Variants in C1orf159 observed in about 807,000 individuals in gnomAD.
C1orf159 encodes chromosome 1 open reading frame 159.
C1orf159 carries 19 observed loss-of-function variants against 25.6 expected under a neutral mutation model. The ratio of observed to expected loss-of-function variants is 0.74; its 90% CI spans 0.52 to 1.09. The LOEUF (loss-of-function observed/expected upper bound fraction) is 1.09. Ranked by LOEUF, C1orf159 falls within the 50% of genes least tolerant of loss-of-function variation. The pLI is 0.00. For synonymous variants in C1orf159, 139 were observed against 124.7 expected (o/e 1.12, Z -0.77); for missense variants, 274 against 290.6 (o/e 0.94, Z 0.42).
intron 3 of C1orf159, 53 bp from the exon 4 acceptor site, chr1:1,090,481 C>T (rs3813203): frequency 8.7e-5 from 133 of 1,528,894 alleles, no homozygotes; most frequent in African/African-American, 1.7e-4. Flanking sequence ...GGCAGGCTCA[C>T]GCCCAGAGCA....
rs924972303 is a variant in C1orf159 at position 1,097,191 on chromosome 1, C to T, written c.-135-5088G>A. Among the ~76,000 whole-genome samples, 9 of 152,158 alleles carry T rather than the reference C, an allele frequency of 5.9e-5. No individual in the cohort carries two copies. In the East Asian group the frequency reaches 1.7e-3, roughly 29 times the overall value. ...GCATGATCTCGGCTCACTGCAACCT[C>T]TGCCTCCCGGGTTCAAGCGATTCTT... On this transcript the variant is annotated intron_variant, in intron 1 of 9. Coordinates refer to ENST00000421241, the MANE Select transcript of C1orf159 (RefSeq NM_017891.5).
chr1:1,107,326 C>T (rs1441773655), intron 1 of C1orf159, among the ~76,000 whole-genome samples: 1 of 152,226 alleles, frequency 6.6e-6, no homozygotes, highest in Non-Finnish European at 1.5e-5. Flanking sequence ...ATGCACCAAT[C>T]AGCACTCTCT....
chr1:1,086,256 C>T (rs879895628), intron 6 of C1orf159, among the ~76,000 whole-genome samples: 12 of 152,262 alleles, frequency 7.9e-5, no homozygotes, highest in Admixed American at 7.8e-4. Flanking sequence ...CAGCTTCTCT[C>T]AGGAGCTCGG....
At chr1:1,094,279 C>A (rs970560061) in intron 1 of C1orf159, among the ~76,000 whole-genome samples, 1 of 152,044 alleles carries the variant, frequency 6.6e-6, no homozygotes, top group Non-Finnish European at 1.5e-5. Flanking sequence ...CTTAAGTGAT[C>A]CTCCTACCTC....
At chr1:1,102,633 A>G (rs1646117856) in intron 1 of C1orf159, among the ~76,000 whole-genome samples, 1 of 145,044 alleles carries the variant, frequency 6.9e-6, no homozygotes, top group Non-Finnish European at 1.5e-5. Flanking sequence ...AAAAAAAAAA[A>G]AAAAAAAAAA....
intron 9 of C1orf159, chr1:1,083,840 G>A: frequency 7.3e-7 from 1 of 1,362,018 alleles, no homozygotes; most frequent in South Asian, 1.3e-5. Context: ...CCCTGCTCAT[G>A]GCCTTGGAGC....
intron 2 of C1orf159, 173 bp downstream of exon 2, chr1:1,091,813 GGAGAT>G (rs1479486969): frequency 1.0e-5 from 5 of 480,088 alleles, no homozygotes; most frequent in Non-Finnish European, 1.9e-5. Context: ...GGGGCCAAAT[GGAGAT>G]GGGGTGGGGC....
chr1:1,115,118 T>G (rs555034318), intron 1 of C1orf159: 4 of 152,108 alleles, frequency 2.6e-5, no homozygotes, highest in Non-Finnish European at 5.9e-5. Flanking sequence ...AAGTTTGACA[T>G]CCTGAAATTT....
chr1:1,109,396 T>G (rs995130424), intron 1 of C1orf159, among the ~76,000 whole-genome samples: 14 of 152,186 alleles, frequency 9.2e-5, no homozygotes, highest in African/African-American at 2.9e-4. Context: ...GGGGAGTTAG[T>G]GTTTAATGGG....
In C1orf159 at chr1:1,089,887, G is replaced by A. The variant is rs1645899036; in HGVS notation, c.148+466C>T. On this transcript the variant is annotated intron_variant, in intron 4 of 9. Coordinates refer to ENST00000421241, the MANE Select transcript of C1orf159 (RefSeq NM_017891.5). The surrounding 1 kb of genome is among the most constrained non-coding windows in gnomAD (Gnocchi z 7.5). The stretch of plus-strand genomic sequence containing the variant: ...CCAGAACCTCTGATGAACAGGGCCT[G>A]CCCGTGGCACGCTGACACAGGCCGG... Among the ~76,000 whole-genome samples, 1 of 152,208 alleles carries A rather than the reference G, an allele frequency of 6.6e-6. No individual in the cohort carries two copies. Among genetic ancestry groups the A allele is most frequent in the African/African-American group, 2.4e-5 (1 of 41,448 alleles).
chr1:1,085,916 G>A lies in C1orf159; in HGVS notation c.407C>T (p.Ser136Phe), dbSNP rs762301455. The change falls in exon 7 of 10, where the codon TCC becomes TTC. Residue 136 changes from serine (S) to phenylalanine (F), a missense_variant. Coordinates refer to ENST00000421241, the MANE Select transcript of C1orf159 (RefSeq NM_017891.5). The part of the protein sequence containing the change: ...SVAGFFYLKR[S>F]SKLPRACYRR... ...GTAGCAGGCCCTGGGGAGTTTACTG[G>A]AGCGCTTGAGGTAGAAGAACCCAGC... The A allele has an allele frequency of 1.9e-5, 31 of 1,613,174 alleles. 1 individual carries two copies. The South Asian group carries it at 3.3e-4, about 17-fold the overall frequency.
In C1orf159 at chr1:1,082,658, T is replaced by G; in HGVS notation, c.*235A>C. 1 of 553,180 alleles carries G rather than the reference T, an allele frequency of 1.8e-6. No homozygotes were observed. 34.3% of individuals were successfully genotyped at this position (553,180 alleles called of 1,614,324 possible). A position where few individuals can be genotyped will look rare whatever the true frequency, so the allele number is the denominator to read the frequency against. ...AAGGCCTCGATCTGAAGCTCTGAGG[T>G]CTCATGGATGCCTGCTCCTGGTCCG... On this transcript the variant is annotated 3_prime_UTR_variant, in exon 10 of 10. Coordinates refer to ENST00000421241, the MANE Select transcript of C1orf159 (RefSeq NM_017891.5).
chr1:1,101,168 C>A (rs1399481533), intron 1 of C1orf159, among the ~76,000 whole-genome samples: 1 of 152,024 alleles, frequency 6.6e-6, no homozygotes, highest in Non-Finnish European at 1.5e-5. Context: ...AGCAGTTCCA[C>A]TTTCTTCTGG....
At chr1:1,093,148 T>G (rs1645965009) in intron 1 of C1orf159, among the ~76,000 whole-genome samples, 1 of 152,078 alleles carries the variant, frequency 6.6e-6, no homozygotes, top group Non-Finnish European at 1.5e-5. Flanking sequence ...ACCCACAGAG[T>G]GCAATCAAGT....
Position 1,091,049 on chromosome 1 carries a change from C to T in C1orf159, c.72+423G>A. Reference sequence around the variant, plus strand: ...GGAGTGCGGGATAGAATCCACACCGCCAGGGAGGGGCCCAGGTCCGGTCCC... The same window carrying T: ...GGAGTGCGGGATAGAATCCACACCGTCAGGGAGGGGCCCAGGTCCGGTCCC... On this transcript the variant is annotated intron_variant, in intron 3 of 9. Transcript: ENST00000421241. The T allele has an allele frequency of 8.3e-6, 11 of 1,326,586 alleles. No homozygotes were observed. In the South Asian group the frequency reaches 1.4e-4, roughly 16 times the overall value. The allele number at this position is 1,326,586 out of a possible 1,614,324, so 82.2% of individuals were successfully genotyped here.
At position 1,091,559 on chromosome 1, in the gene C1orf159, G is replaced by C. The variant is rs112399033; in HGVS notation, c.-16C>G. 3.9e-6 allele frequency: 6 copies of C among 1,547,758 alleles called. No homozygotes were observed. Among genetic ancestry groups the C allele is most frequent in the African/African-American group, 2.7e-5 (2 of 72,870 alleles). ...GCAGCGCCATGCCAGGAGCAGATGC[G>C]CAGAGCCTGCCACAGGGAGGAGCAT... On this transcript the variant is annotated 5_prime_UTR_variant, in exon 3 of 10. Transcript: ENST00000421241.
chr1:1,091,092 G>A (rs1455423849), intron 3 of C1orf159: 8 of 909,356 alleles, frequency 8.8e-6, no homozygotes, highest in Middle Eastern at 2.5e-4. Flanking sequence ...CCCCAGCCAG[G>A]ACAGTGAGGG....
rs1183723288 is a variant in C1orf159, at chr1:1,089,525, AACCCCCACGCCCAGCCTCGG to A, written c.148+808_148+827del. ...ATCACTGCCTTCCTGTGGGCTCCCC[AACCCCCACGCCCAGCCTCGG>A]ACCCCCGCGCCCAGCCTCACTGGCT... On this transcript the variant is annotated intron_variant, in intron 4 of 9. Coordinates refer to ENST00000421241, the MANE Select transcript of C1orf159 (RefSeq NM_017891.5). This position sits in a 1 kb window ranked among gnomAD's most constrained non-coding sequence, Gnocchi z 7.5. Among the ~76,000 whole-genome samples, 3 of 151,970 alleles carry A rather than the reference AACCCCCACGCCCAGCCTCGG, an allele frequency of 2.0e-5. No individual in the cohort carries two copies. The highest frequency in any genetic ancestry group is 2.9e-5 in the Non-Finnish European group (2 of 67,944).
At position 1,086,004 on chromosome 1, in the gene C1orf159, G is replaced by A. The variant is rs1459047168; in HGVS notation, c.319C>T (p.Arg107Cys). The A allele has an allele frequency of 7.4e-6, 12 of 1,612,848 alleles. No individual in the cohort carries two copies. Among genetic ancestry groups the A allele is most frequent in the East Asian group, 2.2e-5 (1 of 44,886 alleles). The change falls in exon 7 of 10, where the codon CGC becomes TGC. Residue 107 changes from arginine to cysteine, a missense_variant. Physicochemically the swap from Arg to Cys is radical, Grantham distance 180. Transcript: ENST00000421241. ...CCCAGGAAGAGGGAGGCGGCCACGC[G>A]CGGAGCCCCTGCAAACAGACACCGC... ...TPGRPHPGAP[R>C]VAASLFLGTF...
Sources: gnomAD v4.1 joint callset for allele counts (sites outside exome capture counted in the v4.1 genomes callset) on GRCh38, gnomAD v4.1.1 for gene constraint, Gnocchi (gnomAD v3.1) non-coding constraint, MANE v1.5 for transcripts, NCBI Gene and HGNC (gene_info 2026-07-23, HGNC 2026-07-21) for gene names.